OSBPL1A: variants seen among roughly 807,000 people sequenced by gnomAD.
OSBPL1A encodes the protein oxysterol-binding protein-related protein 1.
OSBPL1A carries 80 observed loss-of-function variants against 137.1 expected under a neutral mutation model. That is an observed-to-expected ratio of 0.58 (90% confidence interval 0.49 to 0.70). The LOEUF (loss-of-function observed/expected upper bound fraction) is 0.70, where lower values mean the gene tolerates loss of function less well. Ranked by LOEUF, OSBPL1A falls within the 30% of genes least tolerant of loss-of-function variation. OSBPL1A has a pLI of 0.00. For synonymous variants in OSBPL1A, 365 were observed against 389.7 expected (o/e 0.94, Z 0.75); for missense variants, 970 against 1,129.4 (o/e 0.86, Z 2.02).
At chr18:24,235,990 T>C (rs958549725) in intron 16 of OSBPL1A, among the ~76,000 whole-genome samples, 7 of 152,074 alleles carry the variant, frequency 4.6e-5, no homozygotes, top group Admixed American at 4.6e-4. Flanking sequence ...AGATGGAGGA[T>C]GGGGCCTTGA....
At chr18:24,388,769 C>A (rs1411478671) in intron 1 of OSBPL1A, among the ~76,000 whole-genome samples, 2 of 126,494 alleles carry the variant, frequency 1.6e-5, no homozygotes, top group Non-Finnish European at 3.1e-5. Context: ...CACTGCACTT[C>A]AGTCTGGGCG....
chr18:24,223,626 C>T (rs1041733157), intron 17 of OSBPL1A, among the ~76,000 whole-genome samples: 1 of 152,092 alleles, frequency 6.6e-6, no homozygotes, highest in African/African-American at 2.4e-5. Context: ...GACTTTAGAA[C>T]ACAGAATGTA....
chr18:24,310,412 C>A (rs1421531872), intron 13 of OSBPL1A, among the ~76,000 whole-genome samples: 7 of 142,100 alleles, frequency 4.9e-5, no homozygotes, highest in African/African-American at 1.8e-4. Context: ...CACGGTGAAA[C>A]CCTGTCTCTA....
At chr18:24,289,885 T>C (rs1405521211) in intron 14 of OSBPL1A, among the ~76,000 whole-genome samples, 3 of 152,170 alleles carry the variant, frequency 2.0e-5, no homozygotes, top group Non-Finnish European at 4.4e-5. Flanking sequence ...ATAGGGCTGT[T>C]ACCAGGCACA....
intron 1 of OSBPL1A, among the ~76,000 whole-genome samples, chr18:24,390,812 CTTT>C (rs1907297674): frequency 1.3e-5 from 2 of 148,840 alleles, no homozygotes; most frequent in Non-Finnish European, 3.0e-5. Flanking sequence ...ATTCAGGTAA[CTTT>C]TTGGCCAGGT....
intron 5 of OSBPL1A, among the ~76,000 whole-genome samples, chr18:24,338,128 A>G (rs1299251539): frequency 6.7e-6 from 1 of 149,964 alleles, no homozygotes; most frequent in Admixed American, 6.7e-5. Context: ...GCGGGAGTGC[A>G]GTGGCGCAAT....
chr18:24,381,340 AAGATGAGGAACCTGATC>A (rs1306006056), intron 1 of OSBPL1A, among the ~76,000 whole-genome samples: 1 of 152,194 alleles, frequency 6.6e-6, no homozygotes, highest in Non-Finnish European at 1.5e-5. Flanking sequence ...GGGATGGTGG[AAGATGAGGAACCTGATC>A]AGATATCAAG....
intron 16 of OSBPL1A, among the ~76,000 whole-genome samples, chr18:24,226,061 A>G (rs927756508): frequency 2.0e-5 from 3 of 152,214 alleles, no homozygotes; most frequent in Non-Finnish European, 4.4e-5. Flanking sequence ...GCAACCCTAT[A>G]GTAATTGTCA....
chr18:24,264,767 A>C (rs1162442805), intron 15 of OSBPL1A, among the ~76,000 whole-genome samples: 1 of 152,184 alleles, frequency 6.6e-6, no homozygotes, highest in Non-Finnish European at 1.5e-5. Flanking sequence ...GGGCTGTCTA[A>C]AGACTTTTCC....
At chr18:24,244,810 A>T (rs1213586838) in intron 15 of OSBPL1A, among the ~76,000 whole-genome samples, 1 of 152,332 alleles carries the variant, frequency 6.6e-6, no homozygotes, top group African/African-American at 2.4e-5. Flanking sequence ...CTACGCTCTC[A>T]TTCTAGAAAG....
chr18:24,365,652 C>A (rs1428754401), intron 4 of OSBPL1A, among the ~76,000 whole-genome samples: 2 of 151,236 alleles, frequency 1.3e-5, no homozygotes, highest in Non-Finnish European at 2.9e-5. Context: ...TTCAGTGGTA[C>A]CCTGGGGCAT....
chr18:24,391,791 T>G (rs981747959), intron 1 of OSBPL1A, among the ~76,000 whole-genome samples: 8 of 152,146 alleles, frequency 5.3e-5, no homozygotes, highest in African/African-American at 1.9e-4. Flanking sequence ...TGATGTTATG[T>G]ACATTTTATC....
At chr18:24,297,427 A>T (rs919892176) in intron 14 of OSBPL1A, among the ~76,000 whole-genome samples, 1 of 151,950 alleles carries the variant, frequency 6.6e-6, no homozygotes, top group African/African-American at 2.4e-5. Flanking sequence ...AATTTTGTTT[A>T]TGTTTTCAAA....
chr18:24,346,187 G>A (rs1054213413), intron 4 of OSBPL1A, among the ~76,000 whole-genome samples: 7 of 152,104 alleles, frequency 4.6e-5, no homozygotes, highest in African/African-American at 9.7e-5. Flanking sequence ...TCCACTTTCC[G>A]CTCAGCAGTC....
intron 17 of OSBPL1A, among the ~76,000 whole-genome samples, chr18:24,217,572 T>C (rs932371929): frequency 5.3e-5 from 8 of 152,132 alleles, no homozygotes; most frequent in African/African-American, 1.7e-4. Context: ...CTCTTCTTTA[T>C]AGATTTTCAG....
intron 14 of OSBPL1A, among the ~76,000 whole-genome samples, chr18:24,294,264 C>T (rs563238533): frequency 6.6e-6 from 1 of 151,078 alleles, no homozygotes; most frequent in Admixed American, 6.6e-5. Flanking sequence ...TGGAGTCTTG[C>T]TCTGTTGCCC....
chr18:24,321,665 G>A (rs775934850), intron 7 of OSBPL1A: 1 of 520,528 alleles, frequency 1.9e-6, no homozygotes, highest in Non-Finnish European at 4.0e-6. Flanking sequence ...GGGTATGTAT[G>A]AATAAAATGG....
chr18:24,295,030 A>G (rs1228336403), intron 14 of OSBPL1A, among the ~76,000 whole-genome samples: 2 of 152,228 alleles, frequency 1.3e-5, no homozygotes, highest in African/African-American at 4.8e-5. Flanking sequence ...CATTCCCACC[A>G]GCAGTGTGAA....
At chr18:24,293,835 T>G (rs116587028) in intron 14 of OSBPL1A, among the ~76,000 whole-genome samples, 2,174 of 152,158 alleles carry the variant, frequency 0.014, 51 homozygotes, top group African/African-American at 0.048. Context: ...GCAAAGGACC[T>G]CAATCCACTG....
Sources: allele counts gnomAD v4.1 joint callset (sites outside exome capture counted in the v4.1 genomes callset), GRCh38; gene constraint gnomAD v4.1.1; transcripts MANE v1.5; gene names NCBI Gene and HGNC (gene_info 2026-07-23, HGNC 2026-07-21).